The following CD244 variants were observed in gnomAD, a reference collection of about 807,000 sequenced individuals.
CD244 encodes CD244 molecule.
CD244 carries 20 observed loss-of-function variants against 45.5 expected under a neutral mutation model. The observed-to-expected ratio is 0.44, with a 90% CI of 0.31 to 0.64. The LOEUF (loss-of-function observed/expected upper bound fraction) is 0.64. Among genes scored for constraint, CD244 ranks in the 30% least tolerant of loss-of-function variants. The probability of loss-of-function intolerance (pLI) is 0.08; values close to 1 mark genes in which losing one functional copy is unlikely to be tolerated. For missense variants in CD244, 407 were observed against 426.9 expected, an observed-to-expected ratio of 0.95 and a Z score of 0.41; for synonymous variants, 185 against 160.5, an observed-to-expected ratio of 1.15 and a Z score of -1.15.
chr1:160,832,035 GCTC>G (rs1205885412), intron 8 of CD244, among the ~76,000 whole-genome samples: 1 of 152,060 alleles, frequency 6.6e-6, no homozygotes, highest in Non-Finnish European at 1.5e-5. Flanking sequence ...GTCCCTAAAT[GCTC>G]TGATGGGAAT....
At chr1:160,849,938 G>A (rs996665570) in intron 1 of CD244, among the ~76,000 whole-genome samples, 7 of 152,082 alleles carry the variant, frequency 4.6e-5, no homozygotes, top group African/African-American at 1.7e-4. Context: ...CTTGAACCCG[G>A]GAAGCGGAGG....
At chr1:160,834,413 T>C (rs1318813410) in intron 6 of CD244, among the ~76,000 whole-genome samples, 2 of 152,226 alleles carry the variant, frequency 1.3e-5, no homozygotes, top group African/African-American at 4.8e-5. Context: ...TGGAGTGCAA[T>C]GTCTCGATCT....
intron 3 of CD244, among the ~76,000 whole-genome samples, chr1:160,840,550 G>A (rs563238966): frequency 5.4e-4 from 82 of 152,274 alleles, no homozygotes; most frequent in African/African-American, 1.0e-3. Context: ...GAGCCACTGC[G>A]CCCGGCCTGC....
chr1:160,834,285 G>T (rs561448390), intron 6 of CD244, among the ~76,000 whole-genome samples, 169 bp from the exon 7 acceptor site: 1 of 152,182 alleles, frequency 6.6e-6, no homozygotes, highest in Non-Finnish European at 1.5e-5. Flanking sequence ...TGCTAGTCTC[G>T]CTCTGTCATT....
intron 1 of CD244, among the ~76,000 whole-genome samples, chr1:160,862,207 G>A (rs1670334976): frequency 6.6e-6 from 1 of 152,188 alleles, no homozygotes; most frequent in African/African-American, 2.4e-5. Context: ...TCCTGCCTCA[G>A]GGGTCCATCC....
At chr1:160,851,754 G>A (rs899347545) in intron 1 of CD244, among the ~76,000 whole-genome samples, 1 of 151,966 alleles carries the variant, frequency 6.6e-6, no homozygotes, top group Non-Finnish European at 1.5e-5. Context: ...TGTTGCCAAG[G>A]CTTGTCTTGA....
Position 160,832,546 on chromosome 1 carries a change from A to G in CD244, c.990T>C (p.Pro330=), listed in dbSNP as rs1357530952. The change falls in exon 8 of 9, where the codon CCT becomes CCC. Residue 330 remains proline, a synonymous_variant. Coordinates refer to ENST00000368034, the MANE Select transcript of CD244 (RefSeq NM_016382.4). ...KSGSRKRNHS[P]SFNSTIYEVI... is the part of the protein sequence containing the mutation. ...CTTCATAGATAGTGCTATTGAAGGA[A>G]GGGCTGTGGTTCCTCTTCCTGGATC... is the stretch of plus-strand genomic sequence containing the variant. 6.2e-7 allele frequency: 1 copy of G among 1,611,050 alleles called. No homozygotes were observed. Among genetic ancestry groups the G allele is most frequent in the Non-Finnish European group, 8.5e-7 (1 of 1,178,252 alleles).
At position 160,835,264 on chromosome 1, in the gene CD244, A is replaced by G. The variant is rs150937472; in HGVS notation, c.894+931T>C. Among the ~76,000 whole-genome samples, 28 of 152,248 alleles carry G rather than the reference A, an allele frequency of 1.8e-4. No homozygotes were observed. In the East Asian group the frequency reaches 5.0e-3, roughly 27 times the overall value. On this transcript the variant is annotated intron_variant, in intron 6 of 8. Coordinates refer to ENST00000368034, the MANE Select transcript of CD244 (RefSeq NM_016382.4). ...ATGAGTGAATTTCTGTAATCCCAGA[A>G]TATAAGAGGTGGAGTATGAGGAGGT...
chr1:160,833,375 A>AC (rs1177096162), intron 7 of CD244, among the ~76,000 whole-genome samples: 2 of 152,122 alleles, frequency 1.3e-5, no homozygotes, highest in African/African-American at 4.8e-5. Flanking sequence ...TTCCCATACT[A>AC]CCATGTTAAG....
chr1:160,851,324 G>A (rs1286568229), intron 1 of CD244, among the ~76,000 whole-genome samples: 4 of 152,136 alleles, frequency 2.6e-5, no homozygotes, highest in African/African-American at 9.7e-5. Context: ...CCAGCCATCG[G>A]TCACCTCATT....
In CD244 at chr1:160,841,330, A is replaced by G. The variant is rs141678603; in HGVS notation, c.535T>C (p.Tyr179His). 73 of 1,614,182 alleles carry G rather than the reference A, an allele frequency of 4.5e-5. No individual in the cohort carries two copies. The African/African-American group carries it at 8.8e-4, about 19-fold the overall frequency. ...TTAATGTCAACCTCCTCGTCCAGGT[A>G]GGTGAGGTTCCCTGCTGTCTGGATC... ...KLIQTAGNLT[Y>H]LDEEVDINGT... The change falls in exon 3 of 9, where the codon TAC becomes CAC. Residue 179 changes from tyrosine to histidine, a missense_variant. Physicochemically the swap from Tyr to His is moderately conservative, Grantham distance 83 (BLOSUM62 2). Coordinates refer to ENST00000368034, the MANE Select transcript of CD244 (RefSeq NM_016382.4).
At chr1:160,845,036 C>G (rs1352085464) in intron 1 of CD244, among the ~76,000 whole-genome samples, 1 of 152,114 alleles carries the variant, frequency 6.6e-6, no homozygotes, top group Non-Finnish European at 1.5e-5. Context: ...GGCAGCTGAC[C>G]ACACATGCAT....
At chr1:160,857,634 A>G (rs1428084481) in intron 1 of CD244, among the ~76,000 whole-genome samples, 1 of 152,250 alleles carries the variant, frequency 6.6e-6, no homozygotes, top group Non-Finnish European at 1.5e-5. Flanking sequence ...AATGAATGGG[A>G]GAGAACATGT....
chr1:160,838,603 A>C, intron 4 of CD244, 85 bp from the exon 5 acceptor site: 2 of 932,392 alleles, frequency 2.1e-6, no homozygotes, highest in Non-Finnish European at 3.6e-6. Context: ...TCTACCCCAA[A>C]TGGCCAAACC....
chr1:160,851,020 A>G (rs1294235757), intron 1 of CD244, among the ~76,000 whole-genome samples: 1 of 152,236 alleles, frequency 6.6e-6, no homozygotes, highest in Non-Finnish European at 1.5e-5. Flanking sequence ...AAGGGTACCT[A>G]TGAAGAGATG....
At chr1:160,842,113 C>G (rs1437459085) in intron 1 of CD244, among the ~76,000 whole-genome samples, 2 of 152,158 alleles carry the variant, frequency 1.3e-5, no homozygotes, top group Admixed American at 1.3e-4. Context: ...AGACCAATAG[C>G]TAAAATCTTG....
chr1:160,844,734 G>C (rs750341624), intron 1 of CD244, among the ~76,000 whole-genome samples: 1 of 152,176 alleles, frequency 6.6e-6, no homozygotes, highest in Non-Finnish European at 1.5e-5. Context: ...CAGCACTTTG[G>C]GAGGCCAAGG....
Position 160,841,242 on chromosome 1 carries a change from T to A in CD244, c.623A>T (p.Asn208Ile). The A allele has an allele frequency of 6.2e-7, 1 of 1,614,208 alleles. No individual in the cohort carries two copies. The highest frequency in any genetic ancestry group is 8.5e-7 in the Non-Finnish European group (1 of 1,180,018). Reference protein sequence around the residue: ...NPVSWESHTLNLTQDCQNAHQ... With the variant: ...NPVSWESHTLILTQDCQNAHQ... ...GGCATTCTGACAGTCCTGAGTGAGA[T>A]TCAGGGTGTGGCTTTCCCAGCTAAC... The change falls in exon 3 of 9, where the codon AAT becomes ATT. Residue 208 changes from asparagine (N) to isoleucine (I), a missense_variant. By Grantham distance (149) the Asn-to-Ile change is moderately radical. Coordinates refer to ENST00000368034, the MANE Select transcript of CD244 (RefSeq NM_016382.4).
Position 160,862,753 on chromosome 1 carries a change from C to T in CD244, c.-76G>A, listed in dbSNP as rs1398390567. ...TGCCGTGCACGGGCTCAGCAGTCCC[C>T]AGTCAGCAAGAGGACGATGGGGAGC... On this transcript the variant is annotated 5_prime_UTR_variant, in exon 1 of 9. Transcript: ENST00000368034. The T allele has an allele frequency of 2.2e-6, 3 of 1,371,862 alleles. No homozygotes were observed. The highest frequency in any genetic ancestry group is 3.1e-6 in the Non-Finnish European group (3 of 974,054). 85.0% of individuals were successfully genotyped at this position (1,371,862 alleles called of 1,614,324 possible).
Sources: allele counts gnomAD v4.1 joint callset (sites outside exome capture counted in the v4.1 genomes callset), GRCh38; gene constraint gnomAD v4.1.1; transcripts MANE v1.5; gene names NCBI Gene and HGNC (gene_info 2026-07-23, HGNC 2026-07-21).